MARCHF1: variants seen among roughly 807,000 people sequenced by gnomAD.
MARCHF1 encodes membrane associated ring-CH-type finger 1.
A neutral mutation model predicts 54.2 loss-of-function variants in MARCHF1; 40 were observed. The ratio of observed to expected loss-of-function variants is 0.74; its 90% CI spans 0.57 to 0.96. The LOEUF is 0.96. MARCHF1 is among the 40% of genes least tolerant of loss of function. The pLI is 0.00. For missense variants in MARCHF1, 586 were observed against 656.5 expected, an observed-to-expected ratio of 0.89 and a Z score of 1.17; for synonymous variants, 236 against 236.3, an observed-to-expected ratio of 1.00 and a Z score of 0.01.
chr4:163,943,805 C>T (rs962865588), intron 3 of MARCHF1, among the ~76,000 whole-genome samples: 1 of 150,464 alleles, frequency 6.6e-6, no homozygotes, highest in Admixed American at 6.6e-5. Flanking sequence ...GCTGTAGAGC[C>T]TTCCACGGAA....
chr4:163,784,528 G>A (rs1314969478), intron 4 of MARCHF1, among the ~76,000 whole-genome samples: 1 of 152,104 alleles, frequency 6.6e-6, no homozygotes, highest in Non-Finnish European at 1.5e-5. Flanking sequence ...TCTAGGACAA[G>A]TTTGTCATGG....
intron 1 of MARCHF1, among the ~76,000 whole-genome samples, chr4:164,283,990 G>T (rs1450793894): frequency 1.3e-5 from 2 of 150,898 alleles, no homozygotes; most frequent in Non-Finnish European, 2.9e-5. Flanking sequence ...CTAAGAGAAT[G>T]ACTGATTTTA....
intron 4 of MARCHF1, among the ~76,000 whole-genome samples, chr4:163,806,280 G>C (rs1748221972): frequency 6.6e-6 from 1 of 152,160 alleles, no homozygotes; most frequent in Non-Finnish European, 1.5e-5. Context: ...CTGGGTAAGA[G>C]GGACTAATGG....
chr4:164,266,989 G>C (rs4056032), intron 1 of MARCHF1, among the ~76,000 whole-genome samples: 2 of 152,150 alleles, frequency 1.3e-5, no homozygotes, highest in Admixed American at 6.5e-5. Context: ...ACAGAGTGTG[G>C]GGTGACATGA....
At chr4:163,864,515 T>C (rs985546694) in intron 3 of MARCHF1, among the ~76,000 whole-genome samples, 3 of 151,700 alleles carry the variant, frequency 2.0e-5, no homozygotes, top group African/African-American at 7.3e-5. Context: ...TTGGATAAAA[T>C]GAAAAAAATA....
At chr4:164,241,104 C>G (rs1310863795) in intron 1 of MARCHF1, among the ~76,000 whole-genome samples, 1 of 152,046 alleles carries the variant, frequency 6.6e-6, no homozygotes, top group Non-Finnish European at 1.5e-5. Context: ...CATCTGACAT[C>G]ACTGAGACCC....
chr4:163,998,604 C>T (rs1753126595), intron 2 of MARCHF1, among the ~76,000 whole-genome samples: 1 of 151,688 alleles, frequency 6.6e-6, no homozygotes, highest in Admixed American at 6.6e-5. Flanking sequence ...TTCTATCTAA[C>T]TAAAATTTTA....
intron 2 of MARCHF1, among the ~76,000 whole-genome samples, chr4:164,012,187 T>C (rs1384963595): frequency 6.6e-6 from 1 of 152,040 alleles, no homozygotes; most frequent in African/African-American, 2.4e-5. Context: ...GCTGCACTGG[T>C]TTTGTAGGCA....
At chr4:163,869,579 C>T (rs1750126193) in intron 3 of MARCHF1, among the ~76,000 whole-genome samples, 1 of 152,014 alleles carries the variant, frequency 6.6e-6, no homozygotes, top group Non-Finnish European at 1.5e-5. Flanking sequence ...GTTGAAAATT[C>T]TTTCTATATT....
intron 2 of MARCHF1, among the ~76,000 whole-genome samples, chr4:163,989,286 T>TGAGAGAGA (rs35987221): frequency 2.1e-5 from 3 of 144,898 alleles, no homozygotes; most frequent in Admixed American, 6.8e-5. Flanking sequence ...AATGAGGTGT[T>TGAGAGAGA]GAGAGAGAGA....
chr4:164,057,396 A>C (rs1305125637), intron 2 of MARCHF1, among the ~76,000 whole-genome samples: 1 of 152,176 alleles, frequency 6.6e-6, no homozygotes, highest in African/African-American at 2.4e-5. Flanking sequence ...CACATACTTA[A>C]TTATTTTTCT....
At chr4:163,810,450 T>C (rs1207161996) in intron 4 of MARCHF1, among the ~76,000 whole-genome samples, 1 of 152,224 alleles carries the variant, frequency 6.6e-6, no homozygotes. Context: ...CAGGTTCTAC[T>C]GCTTCACTGG....
At chr4:163,964,001 G>A (rs1036657382) in intron 3 of MARCHF1, among the ~76,000 whole-genome samples, 1 of 151,874 alleles carries the variant, frequency 6.6e-6, no homozygotes, top group East Asian at 1.9e-4. Context: ...TAAATTGTTG[G>A]TTGTTTTACT....
intron 1 of MARCHF1, among the ~76,000 whole-genome samples, chr4:164,147,436 A>G (rs1470623680): frequency 7.6e-6 from 1 of 131,772 alleles, no homozygotes; most frequent in Non-Finnish European, 1.5e-5. Context: ...ATGTCCAACA[A>G]TGATAGACTG....
chr4:164,091,435 A>ATATATATAT (rs1560899504), intron 2 of MARCHF1, among the ~76,000 whole-genome samples: 1 of 73,174 alleles, frequency 1.4e-5, no homozygotes, highest in African/African-American at 5.0e-5. Flanking sequence ...TATATGTATA[A>ATATATATAT]AATGAATTGC....
At chr4:163,726,767 G>A (rs1248040079) in intron 4 of MARCHF1, among the ~76,000 whole-genome samples, 2 of 152,292 alleles carry the variant, frequency 1.3e-5, no homozygotes, top group East Asian at 3.9e-4. Context: ...GCTACATTTG[G>A]TGGTGGTGTT....
chr4:163,614,962 T>C (rs778780112), intron 5 of MARCHF1, among the ~76,000 whole-genome samples: 4 of 151,962 alleles, frequency 2.6e-5, no homozygotes, highest in Non-Finnish European at 5.9e-5. Flanking sequence ...TGGGGAAGCT[T>C]AAAAAGGCTA....
At chr4:164,136,558 T>A (rs1014244207) in intron 1 of MARCHF1, among the ~76,000 whole-genome samples, 6 of 152,262 alleles carry the variant, frequency 3.9e-5, no homozygotes, top group African/African-American at 1.2e-4. Flanking sequence ...AGTGGAGTAC[T>A]GAAAGCAATT....
chr4:163,593,458 G>A (rs1223970423), intron 7 of MARCHF1, among the ~76,000 whole-genome samples: 1 of 152,104 alleles, frequency 6.6e-6, no homozygotes, highest in Non-Finnish European at 1.5e-5. Flanking sequence ...TACAGGAGAA[G>A]GCTTTTGTAT....
Sources: gnomAD v4.1 joint callset for allele counts (sites outside exome capture counted in the v4.1 genomes callset) on GRCh38, gnomAD v4.1.1 for gene constraint, MANE v1.5 for transcripts, NCBI Gene and HGNC (gene_info 2026-07-23, HGNC 2026-07-21) for gene names.